The following IQCB1 variants were observed in gnomAD, a reference collection of about 807,000 sequenced individuals.
IQCB1 encodes the protein IQ calmodulin-binding motif-containing protein 1.
A neutral mutation model predicts 84.4 loss-of-function variants in IQCB1; 56 were observed. The observed-to-expected ratio is 0.66, with a 90% CI of 0.54 to 0.83. The LOEUF is 0.83. Ranked by LOEUF, IQCB1 falls within the 40% of genes least tolerant of loss-of-function variation. The pLI is 0.00. For missense variants in IQCB1, 629 were observed against 682.1 expected (o/e 0.92, Z 0.87); for synonymous variants, 210 against 234.8 (o/e 0.89, Z 0.96).
At position 121,828,462 on chromosome 3, in the gene IQCB1, T is replaced by A. The variant is rs781259912; in HGVS notation, c.263+8A>T. 1.9e-6 allele frequency: 3 copies of A among 1,609,824 alleles called. No homozygotes were observed. In the East Asian group the frequency reaches 6.7e-5, roughly 36 times the overall value. On this transcript the variant is annotated splice_region_variant and intron_variant, in intron 4 of 14. Transcript: ENST00000310864. Reference sequence around the variant, plus strand: ...CTCAAGAACAGCTGACTTACTGCTTTATTTTACCTTAATATCTGTGTAAGC... The same window carrying A: ...CTCAAGAACAGCTGACTTACTGCTTAATTTTACCTTAATATCTGTGTAAGC...
chr3:121,780,125 T>G (rs1404165964), intron 13 of IQCB1, among the ~76,000 whole-genome samples: 1 of 152,224 alleles, frequency 6.6e-6, no homozygotes, highest in Non-Finnish European at 1.5e-5. Context: ...TCAGGTACTC[T>G]GTTCTATGAA....
At chr3:121,804,350 T>G (rs1949526905) in intron 7 of IQCB1, among the ~76,000 whole-genome samples, 1 of 152,128 alleles carries the variant, frequency 6.6e-6, no homozygotes, top group Non-Finnish European at 1.5e-5. Context: ...TATATGTTTA[T>G]GTAATCACCA....
rs7628439 is a variant in IQCB1, at chr3:121,808,672, A to T, written c.487+244T>A. 0.64 allele frequency among the ~76,000 whole-genome samples: 97,730 copies of T among 151,816 alleles called. 31,950 individuals carry two copies. Among genetic ancestry groups the T allele is most frequent in the African/African-American group, 0.71 (29,643 of 41,492 alleles). On this transcript the variant is annotated intron_variant, in intron 6 of 14. Transcript: ENST00000310864. ...CATTTGTCTTTATCTTAGATTTGCT[A>T]AACAGAAAAAGCTAAAGTTTTATTT...
intron 2 of IQCB1, among the ~76,000 whole-genome samples, chr3:121,832,129 G>A (rs1047723177): frequency 2.0e-5 from 3 of 150,304 alleles, no homozygotes; most frequent in African/African-American, 4.8e-5. Flanking sequence ...GGCACATTTC[G>A]TGTTCACTGG....
rs184639054 is a variant in IQCB1 at position 121,796,535 on chromosome 3, C to A, written c.876+583G>T. 2.0e-5 allele frequency among the ~76,000 whole-genome samples: 3 copies of A among 152,050 alleles called. No homozygotes were observed. The East Asian group carries it at 5.8e-4, about 30-fold the overall frequency. On this transcript the variant is annotated intron_variant, in intron 9 of 14. Coordinates refer to ENST00000310864, the MANE Select transcript of IQCB1 (RefSeq NM_001023570.4). ...GATGAAATAATCAATAACTTGCTGC[C>A]TCAAATTTCTAAATAATTTTATTAA... is the stretch of plus-strand genomic sequence containing the variant.
intron 13 of IQCB1, among the ~76,000 whole-genome samples, chr3:121,776,229 A>T (rs986064204): frequency 1.3e-5 from 2 of 152,062 alleles, no homozygotes; most frequent in African/African-American, 4.8e-5. Context: ...CCGGCCAGAG[A>T]TTCATCCATG....
chr3:121,801,767 C>T (rs1949415812), intron 7 of IQCB1, among the ~76,000 whole-genome samples: 1 of 143,400 alleles, frequency 7.0e-6, no homozygotes, highest in Non-Finnish European at 1.5e-5. Context: ...CACCGATCTG[C>T]TTTCTGAGAA....
chr3:121,803,990 C>CTT (rs545830288), intron 7 of IQCB1, among the ~76,000 whole-genome samples: 1,867 of 148,106 alleles, frequency 0.013, 38 homozygotes, highest in African/African-American at 0.043. Context: ...CTTTGTTCTT[C>CTT]TTTTTTTTTT....
rs763616150 is a variant in IQCB1 at position 121,828,906 on chromosome 3, T to C, written c.55A>G (p.Lys19Glu). The change falls in exon 3 of 15, where the codon AAA (lysine) becomes GAA (glutamate). Residue 19 changes from lysine to glutamate, a missense_variant. Lys to Glu is a moderately conservative substitution (Grantham distance 56). Coordinates refer to ENST00000310864, the MANE Select transcript of IQCB1 (RefSeq NM_001023570.4). ...RILSIAAEVA[K>E]SPEQNVPVIL... is the part of the protein sequence containing the mutation. ...ACAGGGACATTCTGCTCAGGGCTTT[T>C]TGCAACTTCAGCAGCTATAGATAAG... 24 of 1,611,830 alleles carry C rather than the reference T, an allele frequency of 1.5e-5. No individual in the cohort carries two copies. The highest frequency in any genetic ancestry group is 2.0e-5 in the Non-Finnish European group (24 of 1,178,950).
At chr3:121,810,599 A>G (rs563197523) in intron 5 of IQCB1, among the ~76,000 whole-genome samples, 155 of 151,822 alleles carry the variant, frequency 1.0e-3, no homozygotes, top group South Asian at 5.0e-3. Context: ...CATAATTTTA[A>G]TAATATATAA....
intron 13 of IQCB1, among the ~76,000 whole-genome samples, chr3:121,775,478 G>A (rs1421351982): frequency 6.6e-6 from 1 of 152,142 alleles, no homozygotes; most frequent in Non-Finnish European, 1.5e-5. Context: ...CTATCGTGGG[G>A]TAGGGAACTA....
rs780175451 is a variant in IQCB1, at chr3:121,828,558, T to A, written c.175A>T (p.Ile59Phe). ...IKQDIYCYDL[I>F]QYCLLVLSQD... ...CTGAGGACCAAGAGGCAATATTGAA[T>A]GAGATCATAACAATATATATCTTGT... The change falls in exon 4 of 15, where the codon ATT (isoleucine) becomes TTT (phenylalanine). Residue 59 changes from isoleucine (I) to phenylalanine (F), a missense_variant. Transcript: ENST00000310864. 1 of 1,603,256 alleles carries A rather than the reference T, an allele frequency of 6.2e-7. No individual in the cohort carries two copies.
chr3:121,816,249 C>T (rs142053675), intron 5 of IQCB1, among the ~76,000 whole-genome samples: 84 of 152,244 alleles, frequency 5.5e-4, no homozygotes, highest in Non-Finnish European at 9.9e-4. Context: ...CCCTTCCTTA[C>T]ATCTTATATG....
intron 13 of IQCB1, among the ~76,000 whole-genome samples, chr3:121,781,354 T>G (rs1279763037): frequency 6.6e-6 from 1 of 152,166 alleles, no homozygotes; most frequent in African/African-American, 2.4e-5. Flanking sequence ...CTTATTGGCT[T>G]CTGGAGGTAC....
intron 8 of IQCB1, 81 bp downstream of exon 8, chr3:121,799,115 A>G (rs1261873596): frequency 4.9e-6 from 5 of 1,018,914 alleles, no homozygotes; most frequent in Non-Finnish European, 7.5e-6. Flanking sequence ...TCTTTAAAAT[A>G]TAAGAATTTT....
At chr3:121,801,878 G>GT (rs557303992) in intron 7 of IQCB1, among the ~76,000 whole-genome samples, 248 of 101,804 alleles carry the variant, frequency 2.4e-3, no homozygotes, top group African/African-American at 9.4e-3. Context: ...AGCTTTTTCT[G>GT]TATCTACTGA....
chr3:121,788,515 T>A, intron 11 of IQCB1, 83 bp from the exon 12 acceptor site: 1 of 1,249,586 alleles, frequency 8.0e-7, no homozygotes, highest in Non-Finnish European at 1.2e-6. Context: ...ATAATAATAA[T>A]CTTGCATTCT....
At position 121,797,603 on chromosome 3, in the gene IQCB1, T is replaced by C. The variant is rs1423745027; in HGVS notation, c.767-376A>G. Among the ~76,000 whole-genome samples, 11 of 152,132 alleles carry C rather than the reference T, an allele frequency of 7.2e-5. No individual in the cohort carries two copies. In the East Asian group the frequency reaches 2.1e-3, roughly 29 times the overall value. On this transcript the variant is annotated intron_variant, in intron 8 of 14. Transcript: ENST00000310864. Reference sequence around the variant, plus strand: ...TGGAGACATTTTAAAGATAAATTACTACAGACACATATTCAGTAAATGCTT... The same window carrying C: ...TGGAGACATTTTAAAGATAAATTACCACAGACACATATTCAGTAAATGCTT...
intron 6 of IQCB1, 69 bp from the exon 7 acceptor site, chr3:121,807,512 T>G (rs1949649787): frequency 1.2e-6 from 1 of 841,396 alleles, no homozygotes; most frequent in African/African-American, 1.7e-5. Context: ...GATTTTGTTC[T>G]TTTCAAACCA....
Sources: allele counts gnomAD v4.1 joint callset (sites outside exome capture counted in the v4.1 genomes callset), GRCh38; gene constraint gnomAD v4.1.1; transcripts MANE v1.5; gene names NCBI Gene and HGNC (gene_info 2026-07-23, HGNC 2026-07-21).